KIAA1217: variants seen among roughly 807,000 people sequenced by gnomAD.
KIAA1217 encodes the protein sickle tail protein homolog.
KIAA1217 carries 88 observed loss-of-function variants against 163.9 expected under a neutral mutation model. That is an observed-to-expected ratio of 0.54 (90% CI 0.45 to 0.64). The LOEUF (loss-of-function observed/expected upper bound fraction) is 0.64, where lower values mean the gene tolerates loss of function less well. Among genes scored for constraint, KIAA1217 ranks in the 30% least tolerant of loss-of-function variants. The probability of loss-of-function intolerance (pLI) is 0.00; values close to 1 mark genes in which losing one functional copy is unlikely to be tolerated. For synonymous variants in KIAA1217, 903 were observed against 923.1 expected (o/e 0.98, Z 0.39); for missense variants, 2,372 against 2,475.0 (o/e 0.96, Z 0.88).
chr10:24,022,254 C>A (rs11013855), intron 2 of KIAA1217, among the ~76,000 whole-genome samples: 33,282 of 151,004 alleles, frequency 0.22, 4,422 homozygotes, highest in Middle Eastern at 0.4. Context: ...TAAAACTCAG[C>A]AATTAAAAAA....
chr10:23,761,097 T>C (rs568797154), intron 1 of KIAA1217, among the ~76,000 whole-genome samples: 1 of 151,894 alleles, frequency 6.6e-6, no homozygotes, highest in South Asian at 2.1e-4. Flanking sequence ...AAAAAAAAAT[T>C]AAAATGAAAA....
chr10:24,118,230 G>T (rs1348185478), intron 2 of KIAA1217, among the ~76,000 whole-genome samples: 3 of 151,972 alleles, frequency 2.0e-5, no homozygotes, highest in Non-Finnish European at 4.4e-5. Context: ...GCATTTCTCT[G>T]GTCCTGAGGT....
chr10:23,773,755 CTCTCTG>C (rs1363156864), intron 1 of KIAA1217, among the ~76,000 whole-genome samples: 18 of 152,058 alleles, frequency 1.2e-4, no homozygotes, highest in Non-Finnish European at 2.4e-4. Context: ...CATGATTTGG[CTCTCTG>C]TCTGTTCTTG....
At chr10:24,319,100 G>A (rs562807460) in intron 2 of KIAA1217, among the ~76,000 whole-genome samples, 3 of 152,260 alleles carry the variant, frequency 2.0e-5, no homozygotes, top group South Asian at 2.1e-4. Context: ...CTTTGGGGCC[G>A]GGCGTGGTGG....
intron 1 of KIAA1217, among the ~76,000 whole-genome samples, chr10:23,769,863 T>G (rs1020871837): frequency 6.6e-6 from 1 of 152,228 alleles, no homozygotes; most frequent in Non-Finnish European, 1.5e-5. Flanking sequence ...CTCACAGATT[T>G]TGCCTTAATG....
chr10:23,931,940 C>T (rs966659655), intron 1 of KIAA1217, among the ~76,000 whole-genome samples: 1 of 151,520 alleles, frequency 6.6e-6, no homozygotes, highest in African/African-American at 2.4e-5. Flanking sequence ...TCTAAAGGGA[C>T]AAAAAATGGG....
intron 1 of KIAA1217, among the ~76,000 whole-genome samples, chr10:23,726,979 C>CTTTT (rs1012125050): frequency 0.012 from 1,078 of 93,400 alleles, 184 homozygotes; most frequent in African/African-American, 0.045. Context: ...GTATAGGCCT[C>CTTTT]TTTTTTTTTT....
chr10:23,899,473 T>C (rs1841860527), intron 1 of KIAA1217, among the ~76,000 whole-genome samples: 1 of 152,064 alleles, frequency 6.6e-6, no homozygotes, highest in African/African-American at 2.4e-5. Flanking sequence ...TGTTTCTGGA[T>C]TAGAAGAGAA....
Position 24,433,247 on chromosome 10 carries a change from T to G in KIAA1217, c.752+54T>G. 6 of 1,365,186 alleles carry G rather than the reference T, an allele frequency of 4.4e-6. No homozygotes were observed. The South Asian group carries it at 7.7e-5, about 18-fold the overall frequency. The allele number at this position is 1,365,186 out of a possible 1,614,324, so 84.6% of individuals were successfully genotyped here. On this transcript the variant is annotated intron_variant, in intron 4 of 20. Transcript: ENST00000376454. Reference sequence around the variant, plus strand: ...CATTTTGCCTTAGAGTTTTTTTTGTTTTTTGTTTTTTTGTTTTTGAGGGGT... The same window carrying G: ...CATTTTGCCTTAGAGTTTTTTTTGTGTTTTGTTTTTTTGTTTTTGAGGGGT...
chr10:23,934,565 A>ATATATATATATATATATATG (rs1843401915), intron 1 of KIAA1217, among the ~76,000 whole-genome samples: 3 of 71,000 alleles, frequency 4.2e-5, no homozygotes, highest in Non-Finnish European at 6.9e-5. Flanking sequence ...AAGTATATAT[A>ATATATATATATATATATATG]TATATATATA....
chr10:23,828,815 G>A (rs564015612), intron 1 of KIAA1217, among the ~76,000 whole-genome samples: 57 of 152,278 alleles, frequency 3.7e-4, no homozygotes, highest in Admixed American at 3.7e-3. Flanking sequence ...TGAGTGTATA[G>A]CAACTATGCC....
At chr10:23,836,889 C>T (rs1485365190) in intron 1 of KIAA1217, among the ~76,000 whole-genome samples, 1 of 142,096 alleles carries the variant, frequency 7.0e-6, no homozygotes, top group Non-Finnish European at 1.5e-5. Flanking sequence ...TGTCACTGCA[C>T]TCTAGCCTGG....
chr10:24,417,666 G>A (rs527354625), intron 3 of KIAA1217, among the ~76,000 whole-genome samples: 5 of 152,226 alleles, frequency 3.3e-5, no homozygotes, highest in South Asian at 2.1e-4. Flanking sequence ...TGAAGTCTAC[G>A]AATGAGAGTG....
At chr10:24,423,794 C>T (rs988979646) in intron 3 of KIAA1217, among the ~76,000 whole-genome samples, 5 of 152,132 alleles carry the variant, frequency 3.3e-5, no homozygotes, top group Non-Finnish European at 5.9e-5. Context: ...CCTTGGCCTC[C>T]GAAAGTTCTG....
chr10:23,817,998 T>TATATATATACACAC (rs1837405150), intron 1 of KIAA1217, among the ~76,000 whole-genome samples: 4 of 103,724 alleles, frequency 3.9e-5, no homozygotes, highest in African/African-American at 1.7e-4. Flanking sequence ...TATATATATA[T>TATATATATACACAC]ATATATATAT....
rs182962874 is a variant in KIAA1217, at chr10:24,226,225, A to C, written c.354+6316A>C. ...TGGGCCTATGGACCTTGGTTTTCTT[A>C]AAGGTTTTCTTCCACCTCTAATTTT... On this transcript the variant is annotated intron_variant, in intron 2 of 20. Transcript: ENST00000376454. Among the ~76,000 whole-genome samples, 23 of 152,208 alleles carry C rather than the reference A, an allele frequency of 1.5e-4. No individual in the cohort carries two copies. The East Asian group carries it at 4.2e-3, about 28-fold the overall frequency.
intron 13 of KIAA1217, among the ~76,000 whole-genome samples, chr10:24,526,039 A>T (rs1480161100): frequency 6.6e-6 from 1 of 152,168 alleles, no homozygotes; most frequent in Non-Finnish European, 1.5e-5. Flanking sequence ...TATTCTTTTT[A>T]TCAAGGGCTG....
At chr10:24,284,406 C>A (rs1289137920) in intron 2 of KIAA1217, among the ~76,000 whole-genome samples, 1 of 152,026 alleles carries the variant, frequency 6.6e-6, no homozygotes, top group Non-Finnish European at 1.5e-5. Context: ...TTTTGGAGTC[C>A]CCAGTGTCTG....
intron 1 of KIAA1217, among the ~76,000 whole-genome samples, chr10:23,836,936 AGG>A (rs1408462092): frequency 1.2e-4 from 6 of 51,470 alleles, no homozygotes; most frequent in Non-Finnish European, 2.0e-4. Flanking sequence ...GAAGGAAGGG[AGG>A]GAGGGAGGGA....
Sources: gnomAD v4.1 joint callset for allele counts (sites outside exome capture counted in the v4.1 genomes callset) on GRCh38, gnomAD v4.1.1 for gene constraint, MANE v1.5 for transcripts, NCBI Gene and HGNC (gene_info 2026-07-23, HGNC 2026-07-21) for gene names.